The following SORCS2 variants were observed in gnomAD, a reference collection of about 807,000 sequenced individuals.
SORCS2 encodes VPS10 domain-containing receptor SorCS2.
In SORCS2, 100 loss-of-function variants were observed where a neutral mutation model predicts 141.6. That is an observed-to-expected ratio of 0.71 (90% CI 0.60 to 0.83). The LOEUF (loss-of-function observed/expected upper bound fraction) is 0.83, where lower values mean the gene tolerates loss of function less well. SORCS2 is among the 40% of genes least tolerant of loss of function. The pLI is 0.00. For synonymous variants in SORCS2, 789 were observed against 676.9 expected (o/e 1.17, Z -2.57); for missense variants, 1,646 against 1,560.2 (o/e 1.05, Z -0.93).
At chr4:7,528,404 T>G (rs1276480100) in intron 2 of SORCS2, among the ~76,000 whole-genome samples, 9 of 119,242 alleles carry the variant, frequency 7.5e-5, no homozygotes, top group African/African-American at 3.5e-4. Context: ...GCTGCTACGT[T>G]TTTTTTTTTG....
rs766576883 is a variant in SORCS2 at position 7,714,232 on chromosome 4, T to C, written c.1990-8T>C. Reference sequence around the variant, plus strand: ...AGGCAGCTCCTTACCCTGATGTTCCTGCTGCAGGGCGACCGCTGTATCATG... The same window carrying C: ...AGGCAGCTCCTTACCCTGATGTTCCCGCTGCAGGGCGACCGCTGTATCATG... On this transcript the variant is annotated splice_polypyrimidine_tract_variant and splice_region_variant and intron_variant, in intron 15 of 26. Transcript: ENST00000507866. 3.7e-6 allele frequency: 6 copies of C among 1,609,250 alleles called. No homozygotes were observed. Among genetic ancestry groups the C allele is most frequent in the Non-Finnish European group, 3.4e-6 (4 of 1,178,008 alleles).
At chr4:7,260,341 C>T (rs1485211930) in intron 1 of SORCS2, among the ~76,000 whole-genome samples, 4 of 152,112 alleles carry the variant, frequency 2.6e-5, no homozygotes, top group African/African-American at 9.7e-5. Flanking sequence ...CACACTTACT[C>T]TCTGCCTGGG....
chr4:7,241,093 C>T (rs1486505832), intron 1 of SORCS2, among the ~76,000 whole-genome samples: 1 of 152,108 alleles, frequency 6.6e-6, no homozygotes, highest in African/African-American at 2.4e-5. Flanking sequence ...TGCCACCATG[C>T]CTGGCTAAAT....
chr4:7,722,415 C>T (rs1157633469), intron 18 of SORCS2, among the ~76,000 whole-genome samples: 3 of 152,180 alleles, frequency 2.0e-5, no homozygotes, highest in East Asian at 1.9e-4. Flanking sequence ...CACCCTGCAG[C>T]CTCCTTCCTA....
chr4:7,342,381 C>T (rs1303760841), intron 1 of SORCS2, among the ~76,000 whole-genome samples: 1 of 152,246 alleles, frequency 6.6e-6, no homozygotes, highest in African/African-American at 2.4e-5. Flanking sequence ...TCTTGCCCTT[C>T]TTAATCATTT....
intron 1 of SORCS2, among the ~76,000 whole-genome samples, chr4:7,291,485 G>A (rs1447410653): frequency 5.3e-5 from 8 of 152,126 alleles, no homozygotes; most frequent in Non-Finnish European, 7.4e-5. Context: ...GCTCGGTGGT[G>A]GATGGTGGTG....
chr4:7,339,789 G>C (rs1044128515), intron 1 of SORCS2, among the ~76,000 whole-genome samples: 2 of 152,220 alleles, frequency 1.3e-5, no homozygotes, highest in African/African-American at 2.4e-5. Context: ...CGAAGAACCA[G>C]CTCAGACGTG....
intron 2 of SORCS2, among the ~76,000 whole-genome samples, chr4:7,507,473 C>T (rs62280187): frequency 0.15 from 23,389 of 151,972 alleles, 3,275 homozygotes; most frequent in African/African-American, 0.37. Context: ...TGTGCCTGGC[C>T]GATAAATTCT....
chr4:7,277,083 C>T (rs1461834705), intron 1 of SORCS2, among the ~76,000 whole-genome samples: 2 of 150,416 alleles, frequency 1.3e-5, no homozygotes, highest in Non-Finnish European at 3.0e-5. Flanking sequence ...GGAGGCTCTC[C>T]CTGCCCCCAC....
At chr4:7,638,270 C>T in intron 3 of SORCS2, 58 bp from the exon 4 acceptor site, 1 of 1,478,232 alleles carries the variant, frequency 6.8e-7, no homozygotes, top group Non-Finnish European at 9.0e-7. Flanking sequence ...CAACACCTTT[C>T]TGGTGTCGGG....
chr4:7,697,111 G>C, intron 11 of SORCS2, 87 bp from the exon 12 acceptor site: 1 of 1,177,324 alleles, frequency 8.5e-7, no homozygotes. Flanking sequence ...GGCCACCGTT[G>C]CTTGAGGTTT....
At chr4:7,222,847 G>C (rs777504548) in intron 1 of SORCS2, among the ~76,000 whole-genome samples, 8 of 152,120 alleles carry the variant, frequency 5.3e-5, no homozygotes, top group Non-Finnish European at 1.2e-4. Context: ...GGCCTGGGGA[G>C]GGTTTTCTGC....
chr4:7,651,099 C>T (rs1200814808), intron 4 of SORCS2, among the ~76,000 whole-genome samples: 17 of 152,184 alleles, frequency 1.1e-4, no homozygotes, highest in African/African-American at 2.2e-4. Context: ...GTTCACTCAT[C>T]ACCTAGGAGT....
chr4:7,646,059 C>T (rs1435333724), intron 4 of SORCS2, among the ~76,000 whole-genome samples: 4 of 152,272 alleles, frequency 2.6e-5, no homozygotes, highest in Non-Finnish European at 4.4e-5. Flanking sequence ...ATGGGCCTTG[C>T]GCACCCGGCA....
At chr4:7,292,460 G>T (rs913493669) in intron 1 of SORCS2, among the ~76,000 whole-genome samples, 1 of 152,368 alleles carries the variant, frequency 6.6e-6, no homozygotes, top group South Asian at 2.1e-4. Context: ...GATCGTGGTG[G>T]TGGTTGTGTT....
intron 1 of SORCS2, among the ~76,000 whole-genome samples, chr4:7,326,895 G>A (rs982343436): frequency 1.3e-5 from 2 of 152,246 alleles, no homozygotes; most frequent in African/African-American, 2.4e-5. Context: ...CCTTGCTGCT[G>A]AACAGCCCCA....
At chr4:7,558,595 G>A (rs1437457285) in intron 3 of SORCS2, among the ~76,000 whole-genome samples, 5 of 152,160 alleles carry the variant, frequency 3.3e-5, no homozygotes, top group East Asian at 3.9e-4. Flanking sequence ...GTGCTGCCTG[G>A]TCAGTTCATT....
intron 1 of SORCS2, among the ~76,000 whole-genome samples, chr4:7,208,064 C>T (rs1560111602): frequency 6.6e-6 from 1 of 152,080 alleles, no homozygotes; most frequent in Non-Finnish European, 1.5e-5. Flanking sequence ...TGGGTGGGAG[C>T]CAGCTTGGCC....
At chr4:7,705,467 C>T (rs1366708981) in intron 14 of SORCS2, among the ~76,000 whole-genome samples, 1 of 152,260 alleles carries the variant, frequency 6.6e-6, no homozygotes, top group African/African-American at 2.4e-5. Flanking sequence ...GCTCTTCCAC[C>T]TCAAGGCCTA....
Sources: gnomAD v4.1 joint callset for allele counts (sites outside exome capture counted in the v4.1 genomes callset) on GRCh38, gnomAD v4.1.1 for gene constraint, MANE v1.5 for transcripts, NCBI Gene and HGNC (gene_info 2026-07-23, HGNC 2026-07-21) for gene names.